MED23: variants seen among roughly 807,000 people sequenced by gnomAD.
MED23 encodes the protein mediator complex subunit 23, also known as mediator of RNA polymerase II transcription subunit 23.
A neutral mutation model predicts 163.9 loss-of-function variants in MED23; 105 were observed. The observed-to-expected ratio is 0.64, with a 90% confidence interval of 0.55 to 0.75. The LOEUF is 0.75. Among genes scored for constraint, MED23 ranks in the 30% least tolerant of loss-of-function variants. The pLI, the probability that MED23 is intolerant of heterozygous loss-of-function variation, is 0.00. For synonymous variants in MED23, 561 were observed against 565.6 expected (o/e 0.99, Z 0.12); for missense variants, 1,054 against 1,649.0 (o/e 0.64, Z 6.25).
At chr6:131,578,994 T>C in intron 30 of MED23, 2 of 1,220,320 alleles carry the variant, frequency 1.6e-6, no homozygotes, top group East Asian at 2.6e-5. Context: ...ACCTTTCAGG[T>C]TTTTCCTTTG....
chr6:131,595,431 T>C (rs1774974446), intron 22 of MED23, among the ~76,000 whole-genome samples: 1 of 152,238 alleles, frequency 6.6e-6, no homozygotes, highest in Non-Finnish European at 1.5e-5. Flanking sequence ...GCCATGATCA[T>C]ACTCAATAAC....
intron 10 of MED23, 117 bp from the exon 11 acceptor site, chr6:131,610,363 T>G: frequency 1.0e-6 from 1 of 972,488 alleles, no homozygotes; most frequent in Non-Finnish European, 1.6e-6. Context: ...GAAGTTGAAC[T>G]TAAGAAGTCA....
chr6:131,601,296 G>A (rs1933100265), intron 17 of MED23, among the ~76,000 whole-genome samples: 2 of 152,088 alleles, frequency 1.3e-5, no homozygotes, highest in Non-Finnish European at 2.9e-5. Context: ...ACTTTGCAGT[G>A]ATATTAACAA....
chr6:131,578,186 T>TAA (rs34484161), intron 30 of MED23, among the ~76,000 whole-genome samples: 3,012 of 140,066 alleles, frequency 0.022, 103 homozygotes, highest in African/African-American at 0.072. Context: ...CGTAAATCTT[T>TAA]AAAAAAAAAA....
At chr6:131,577,161 T>A (rs1773657987) in intron 30 of MED23, among the ~76,000 whole-genome samples, 1 of 152,208 alleles carries the variant, frequency 6.6e-6, no homozygotes, top group South Asian at 2.1e-4. Flanking sequence ...TGTGTATATA[T>A]ACATACATAT....
chr6:131,608,097 G>A (rs1562390468), intron 11 of MED23, 26 bp from the exon 12 acceptor site: 1 of 1,612,082 alleles, frequency 6.2e-7, no homozygotes. Context: ...AAATACACAT[G>A]TATACACTGC....
At position 131,624,904 on chromosome 6, in the gene MED23, C is replaced by A. The variant is rs142771022; in HGVS notation, c.245G>T (p.Cys82Phe). The part of the protein sequence containing the change: ...SPKRISFLYD[C>F]LAMAVETGLL... The stretch of plus-strand genomic sequence containing the variant: ...ACCAGTCTCAACTGCCATTGCTAAG[C>A]AGTCATAAAGAAAAGAAATTCTTTT... The change falls in exon 4 of 29, where the codon TGC (cysteine) becomes TTC (phenylalanine). Residue 82 changes from cysteine (C) to phenylalanine (F), a missense_variant. Physicochemically the swap from Cys to Phe is radical, Grantham distance 205. This residue lies in a region of MED23 where 227 missense variants were observed against 235.5 expected (regional missense o/e 0.96). Coordinates refer to ENST00000368068, the MANE Select transcript of MED23 (RefSeq NM_004830.4). 1.3e-5 allele frequency: 21 copies of A among 1,613,910 alleles called. No individual in the cohort carries two copies. In the African/African-American group the frequency reaches 1.9e-4, roughly 14 times the overall value.
intron 11 of MED23, among the ~76,000 whole-genome samples, chr6:131,609,686 T>C (rs1333977882): frequency 6.8e-6 from 1 of 147,816 alleles, no homozygotes; most frequent in African/African-American, 2.5e-5. Context: ...TGTGTGTGTA[T>C]GTATATACAT....
At chr6:131,609,594 C>T (rs1173371642) in intron 11 of MED23, among the ~76,000 whole-genome samples, 1 of 145,792 alleles carries the variant, frequency 6.9e-6, no homozygotes, top group Non-Finnish European at 1.5e-5. Context: ...CTCACTGCAA[C>T]CTTAGGGACT....
chr6:131,597,489 A>AAG (rs1775146462), intron 20 of MED23, among the ~76,000 whole-genome samples: 1 of 150,770 alleles, frequency 6.6e-6, no homozygotes, highest in African/African-American at 2.4e-5. Context: ...AAAAAAAAAA[A>AAG]AAAAAAAAGA....
chr6:131,592,996 G>A lies in MED23; in HGVS notation c.3398+10C>T, dbSNP rs758565944. 3 of 1,614,066 alleles carry A rather than the reference G, an allele frequency of 1.9e-6. No homozygotes were observed. The highest frequency in any genetic ancestry group is 2.5e-6 in the Non-Finnish European group (3 of 1,179,952). On this transcript the variant is annotated intron_variant, in intron 24 of 28. Coordinates refer to ENST00000368068, the MANE Select transcript of MED23 (RefSeq NM_004830.4). ...ACAACAAATCTTACTGCATGAACCA[G>A]AATACATACCTTTTTAGGACAACAT...
At chr6:131,576,141 C>T (rs1474230980) in intron 30 of MED23, among the ~76,000 whole-genome samples, 3 of 152,180 alleles carry the variant, frequency 2.0e-5, no homozygotes, top group Admixed American at 1.3e-4. Flanking sequence ...ACTGACACAC[C>T]CTGTCCCCAA....
chr6:131,616,664 C>T (rs987005188), intron 9 of MED23, among the ~76,000 whole-genome samples: 1 of 151,982 alleles, frequency 6.6e-6, no homozygotes, highest in African/African-American at 2.4e-5. Context: ...ACAAAAAACA[C>T]AAAAAACTAG....
At chr6:131,605,519 GA>G (rs1365542444) in intron 13 of MED23, 34 bp from the exon 14 acceptor site, 2 of 1,519,990 alleles carry the variant, frequency 1.3e-6, no homozygotes, top group Non-Finnish European at 1.8e-6. Context: ...AAGAAAAAAT[GA>G]AAATAACTTC....
chr6:131,578,621 TTG>T (rs928122179), intron 30 of MED23, among the ~76,000 whole-genome samples: 93 of 152,224 alleles, frequency 6.1e-4, no homozygotes, highest in African/African-American at 2.1e-3. Flanking sequence ...AATGGATACT[TTG>T]TGTGTCTGTG....
Position 131,586,987 on chromosome 6 carries a change from C to T in MED23, c.*692G>A. The T allele has an allele frequency of 1.4e-6, 2 of 1,476,632 alleles. No individual in the cohort carries two copies. The highest frequency in any genetic ancestry group is 2.5e-5 in the East Asian group (1 of 39,680). The allele number at this position is 1,476,632 out of a possible 1,614,324, so 91.5% of individuals were successfully genotyped here. On this transcript the variant is annotated 3_prime_UTR_variant, in exon 29 of 29. Coordinates refer to ENST00000368068, the MANE Select transcript of MED23 (RefSeq NM_004830.4). ...TAAAAAAAGAAATTGGAGAATCAAC[C>T]ATTTAAGCATGATTTTAAGTTCAAG... is the stretch of plus-strand genomic sequence containing the variant.
At position 131,588,365 on chromosome 6, in the gene MED23, T is replaced by C. The variant is rs561427385; in HGVS notation, c.3940-519A>G. Among the ~76,000 whole-genome samples, 3 of 152,354 alleles carry C rather than the reference T, an allele frequency of 2.0e-5. No homozygotes were observed. In the East Asian group the frequency reaches 5.8e-4, roughly 29 times the overall value. The stretch of plus-strand genomic sequence containing the variant: ...ACTAAATAATATTAGATCTACTCTT[T>C]TGAAAAACACTAAGGAGACAAACAC... On this transcript the variant is annotated intron_variant, in intron 28 of 28. Transcript: ENST00000368068.
At chr6:131,574,025 C>T (rs890300243) in exon 31 of MED23, 16 of 512,406 alleles carry the variant, frequency 3.1e-5, no homozygotes, top group South Asian at 1.0e-4. Flanking sequence ...CTTACAGCCA[C>T]GAGCTGTGAA....
intron 30 of MED23, chr6:131,579,118 T>C (rs1260906835): frequency 2.5e-6 from 4 of 1,614,052 alleles, no homozygotes; most frequent in Admixed American, 1.7e-5. Context: ...TAGAGTGTGA[T>C]GTGAAGGATT....
Sources: allele counts gnomAD v4.1 joint callset (sites outside exome capture counted in the v4.1 genomes callset), GRCh38; gene constraint gnomAD v4.1.1; regional missense constraint gnomAD v4.1.1; transcripts MANE v1.5; gene names NCBI Gene and HGNC (gene_info 2026-07-23, HGNC 2026-07-21).